The following NAALADL2 variants were observed in gnomAD, a reference collection of about 807,000 sequenced individuals.
NAALADL2 encodes inactive N-acetylated-alpha-linked acidic dipeptidase-like protein 2.
Under a neutral mutation model 87.2 loss-of-function variants are expected in NAALADL2, and 76 were observed. The ratio of observed to expected loss-of-function variants is 0.87; its 90% CI spans 0.72 to 1.05. NAALADL2 has a LOEUF of 1.05. Ranked by LOEUF, NAALADL2 falls within the 50% of genes least tolerant of loss-of-function variation. The pLI, the probability that NAALADL2 is intolerant of heterozygous loss-of-function variation, is 0.00. For missense variants in NAALADL2, 1,089 were observed against 945.8 expected, an observed-to-expected ratio of 1.15 and a Z score of -1.99; for synonymous variants, 354 against 331.0, an observed-to-expected ratio of 1.07 and a Z score of -0.75.
At chr3:174,752,127 G>A (rs950056121) in intron 3 of NAALADL2, among the ~76,000 whole-genome samples, 31 of 151,826 alleles carry the variant, frequency 2.0e-4, no homozygotes, top group Non-Finnish European at 4.0e-4. Flanking sequence ...ATAGGCGCCC[G>A]CCACCATGCC....
chr3:174,454,651 A>G (rs1715707913), intron 1 of NAALADL2, among the ~76,000 whole-genome samples: 2 of 152,216 alleles, frequency 1.3e-5, no homozygotes, highest in East Asian at 1.9e-4. Flanking sequence ...TGTGTCAATA[A>G]TGAAATTAAG....
intron 10 of NAALADL2, among the ~76,000 whole-genome samples, chr3:175,607,471 A>C (rs1440751472): frequency 6.6e-6 from 1 of 152,148 alleles, no homozygotes; most frequent in African/African-American, 2.4e-5. Context: ...TCCTTGATAG[A>C]TTTACATATA....
At position 175,700,733 on chromosome 3, in the gene NAALADL2, T is replaced by G. The variant is rs558111162; in HGVS notation, c.1897-36573T>G. Among the ~76,000 whole-genome samples, 127 of 152,268 alleles carry G rather than the reference T, an allele frequency of 8.3e-4. 2 individuals carry two copies. In the South Asian group the frequency reaches 0.016, roughly 19 times the overall value. On this transcript the variant is annotated intron_variant, in intron 11 of 13. Coordinates refer to ENST00000454872, the MANE Select transcript of NAALADL2 (RefSeq NM_207015.3). Reference sequence around the variant, plus strand: ...TTAATTGCAAATGATGTAAAGTCTGTTTTTCATCATCCTTTCTAAACTTAC... The same window carrying G: ...TTAATTGCAAATGATGTAAAGTCTGGTTTTCATCATCCTTTCTAAACTTAC...
intron 1 of NAALADL2, among the ~76,000 whole-genome samples, chr3:174,522,831 G>A (rs1720399540): frequency 6.6e-6 from 1 of 151,240 alleles, no homozygotes; most frequent in African/African-American, 2.4e-5. Context: ...CTACTCGGGA[G>A]GCTGAGGCAG....
chr3:174,848,874 A>G (rs1724927831), intron 3 of NAALADL2, among the ~76,000 whole-genome samples: 3 of 152,216 alleles, frequency 2.0e-5, no homozygotes. Context: ...GTTTTACAGT[A>G]TAGCTTACTG....
intron 10 of NAALADL2, among the ~76,000 whole-genome samples, chr3:175,596,077 C>A (rs1285268687): frequency 6.6e-6 from 1 of 151,658 alleles, no homozygotes; most frequent in Non-Finnish European, 1.5e-5. Context: ...AATTTTAATT[C>A]TGTTTTTTAA....
chr3:174,930,122 T>C (rs1221770594), intron 1 of NAALADL2, among the ~76,000 whole-genome samples: 1 of 152,188 alleles, frequency 6.6e-6, no homozygotes, highest in Admixed American at 6.5e-5. Flanking sequence ...GGAAGGCTCA[T>C]GTAAATTTAT....
intron 3 of NAALADL2, among the ~76,000 whole-genome samples, chr3:174,743,352 CCT>C (rs1560188180): frequency 1.3e-5 from 2 of 151,692 alleles, no homozygotes; most frequent in East Asian, 3.9e-4. Context: ...GTAAGTGAAA[CCT>C]CTCTGTTTCT....
chr3:175,689,873 T>A (rs1388831028), intron 11 of NAALADL2, among the ~76,000 whole-genome samples: 2 of 152,082 alleles, frequency 1.3e-5, no homozygotes, highest in African/African-American at 4.8e-5. Context: ...TGGATAAGAA[T>A]AAGTATCACT....
intron 9 of NAALADL2, among the ~76,000 whole-genome samples, chr3:175,482,611 A>C (rs903304039): frequency 6.6e-6 from 1 of 151,952 alleles, no homozygotes; most frequent in African/African-American, 2.4e-5. Context: ...ATTTCTAAAA[A>C]ATAGTTTTTC....
intron 11 of NAALADL2, among the ~76,000 whole-genome samples, chr3:175,628,176 C>T (rs531469652): frequency 6.6e-6 from 1 of 151,688 alleles, no homozygotes; most frequent in Admixed American, 6.6e-5. Flanking sequence ...TTTGGTTCTT[C>T]ACTTTCAGTG....
chr3:175,483,240 G>A (rs548836756), intron 9 of NAALADL2, among the ~76,000 whole-genome samples: 1 of 151,318 alleles, frequency 6.6e-6, no homozygotes, highest in Admixed American at 6.6e-5. Context: ...GGAAAAAAGA[G>A]TCATTAAGTC....
At chr3:175,209,706 G>GAT (rs145591532) in intron 2 of NAALADL2, among the ~76,000 whole-genome samples, 90 of 149,474 alleles carry the variant, frequency 6.0e-4, no homozygotes, top group South Asian at 3.2e-3. Flanking sequence ...AGTTATTTTG[G>GAT]ATATATATAT....
At chr3:174,537,971 A>G (rs1162440872) in intron 1 of NAALADL2, among the ~76,000 whole-genome samples, 6 of 151,888 alleles carry the variant, frequency 4.0e-5, no homozygotes, top group Non-Finnish European at 8.8e-5. Flanking sequence ...AACCTGGTCT[A>G]ATTTCCTTGA....
At chr3:175,454,394 A>G (rs917770451) in intron 6 of NAALADL2, among the ~76,000 whole-genome samples, 1 of 152,068 alleles carries the variant, frequency 6.6e-6, no homozygotes. Context: ...GCTCTGCTTA[A>G]TGTCAGGTAA....
chr3:174,571,541 G>A (rs1421924397), intron 2 of NAALADL2, among the ~76,000 whole-genome samples: 7 of 151,936 alleles, frequency 4.6e-5, no homozygotes, highest in East Asian at 1.9e-4. Flanking sequence ...CACCACACCC[G>A]GCTAATTTTG....
At chr3:175,493,482 C>G (rs1466476582) in intron 9 of NAALADL2, among the ~76,000 whole-genome samples, 3 of 152,038 alleles carry the variant, frequency 2.0e-5, no homozygotes, top group African/African-American at 7.2e-5. Context: ...TCAAGTTAAT[C>G]CAAGCTCAAT....
intron 13 of NAALADL2, among the ~76,000 whole-genome samples, chr3:175,764,831 A>G (rs75764715): frequency 0.024 from 3,605 of 152,194 alleles, 140 homozygotes; most frequent in African/African-American, 0.08. Context: ...CAAACCCCCC[A>G]AATCACTACA....
At chr3:175,227,810 A>G (rs1262139320) in intron 2 of NAALADL2, among the ~76,000 whole-genome samples, 2 of 152,036 alleles carry the variant, frequency 1.3e-5, no homozygotes, top group Admixed American at 6.6e-5. Context: ...TAAAAATTAC[A>G]TAATTGTAGA....
Sources: gnomAD v4.1 joint callset for allele counts (sites outside exome capture counted in the v4.1 genomes callset) on GRCh38, gnomAD v4.1.1 for gene constraint, MANE v1.5 for transcripts, NCBI Gene and HGNC (gene_info 2026-07-23, HGNC 2026-07-21) for gene names.